Variants in NAP1L4 observed in about 807,000 individuals in gnomAD.
NAP1L4 encodes the protein nucleosome assembly protein 1-like 4.
A neutral mutation model predicts 58.2 loss-of-function variants in NAP1L4; 15 were observed. The ratio of observed to expected loss-of-function variants is 0.26; its 90% confidence interval spans 0.17 to 0.40. NAP1L4 has a LOEUF of 0.40. NAP1L4 is among the 10% of genes least tolerant of loss of function. The pLI is 1.00. For missense variants in NAP1L4, 384 were observed against 451.1 expected, an observed-to-expected ratio of 0.85 and a Z score of 1.35; for synonymous variants, 171 against 155.6, an observed-to-expected ratio of 1.10 and a Z score of -0.74.
rs1380682820 is a variant in NAP1L4 at position 2,951,786 on chromosome 11, T to G, written c.1059A>C (p.Glu353Asp). 2 of 1,614,050 alleles carry G rather than the reference T, an allele frequency of 1.2e-6. No homozygotes were observed. Among genetic ancestry groups the G allele is most frequent in the Non-Finnish European group, 1.7e-6 (2 of 1,180,016 alleles). The change falls in exon 13 of 16, where the codon GAA becomes GAC. Residue 353 changes from glutamate to aspartate, a missense_variant. This residue lies in a region of NAP1L4 where 296 missense variants were observed against 360.8 expected (regional missense o/e 0.82). Coordinates refer to ENST00000380542, the MANE Select transcript of NAP1L4 (RefSeq NM_005969.4). This position sits in a 1 kb window ranked among gnomAD's most constrained non-coding sequence, Gnocchi z 4.0. ...DDNFEEGEEG[E>D]EEELEGDEEG... ...GCATAAACCTGTCTCTTACCTCCTC[T>G]TCTCCTTCTTCACCTTCTTCAAACT...
intron 1 of NAP1L4, among the ~76,000 whole-genome samples, chr11:2,981,173 G>C (rs1848279978): frequency 6.6e-6 from 1 of 151,606 alleles, no homozygotes; most frequent in Admixed American, 6.6e-5. Flanking sequence ...AGGAGGCAGA[G>C]GTTGCAGTAA....
rs1302945235 is a variant in NAP1L4 at position 2,991,622 on chromosome 11, A to G, written c.-18+632T>C. On this transcript the variant is annotated intron_variant, in intron 1 of 15. Transcript: ENST00000380542. ...CCCACCGCACAGCTCCCAACAGCTA[A>G]GAAGCAACGCCAAGGACTTTCTTCC... Among the ~76,000 whole-genome samples the G allele has an allele frequency of 4.6e-5, 7 of 152,118 alleles. No homozygotes were observed. The East Asian group carries it at 1.4e-3, about 29-fold the overall frequency.
At chr11:2,987,019 T>G (rs1003086659) in intron 1 of NAP1L4, among the ~76,000 whole-genome samples, 5 of 152,124 alleles carry the variant, frequency 3.3e-5, no homozygotes, top group African/African-American at 9.7e-5. Flanking sequence ...GACCAGCCAT[T>G]GGGCACAAGT....
chr11:2,964,765 G>A lies in NAP1L4; in HGVS notation c.535-14C>T, dbSNP rs1408045182. The A allele has an allele frequency of 6.3e-7, 1 of 1,597,742 alleles. No individual in the cohort carries two copies. The highest frequency in any genetic ancestry group is 8.6e-7 in the Non-Finnish European group (1 of 1,167,514). ...TTCATCATATTCCTAATCAAAAAGA[G>A]AAAAAAAATTCCAACAGGCTTTTAA... On this transcript the variant is annotated splice_polypyrimidine_tract_variant and intron_variant, in intron 7 of 15. Coordinates refer to ENST00000380542, the MANE Select transcript of NAP1L4 (RefSeq NM_005969.4).
intron 8 of NAP1L4, among the ~76,000 whole-genome samples, chr11:2,962,253 G>A (rs1846969380): frequency 6.6e-6 from 1 of 152,272 alleles, no homozygotes; most frequent in African/African-American, 2.4e-5. Flanking sequence ...AATTTACAAT[G>A]GGGGAGGTGG....
intron 1 of NAP1L4, chr11:2,991,887 G>A (rs1848996884): frequency 6.6e-6 from 1 of 152,366 alleles, no homozygotes; most frequent in East Asian, 1.9e-4. Context: ...CGGGAGATTT[G>A]AGCGGCCGCC....
At chr11:2,958,763 G>C in intron 9 of NAP1L4, 1 of 558,002 alleles carries the variant, frequency 1.8e-6, no homozygotes. Flanking sequence ...TGGAACTTCA[G>C]ACTTCTGGAA....
Position 2,954,626 on chromosome 11 carries a change from T to G in NAP1L4, c.936A>C (p.Thr312=). Residue 312 remains threonine, a synonymous_variant, in exon 12 of 16, where the codon ACA becomes ACC. Transcript: ENST00000380542. This position sits in a 1 kb window ranked among gnomAD's most constrained non-coding sequence, Gnocchi z 4.8. ...GTCCAATTTCAAAATCAGAGGCTAA[T>G]GTGAATTCAGAATCTTCATCCTGAG... ...GESLDEDSEF[T]LASDFEIGHF... The G allele has an allele frequency of 6.2e-7, 1 of 1,614,238 alleles. No individual in the cohort carries two copies. The highest frequency in any genetic ancestry group is 8.5e-7 in the Non-Finnish European group (1 of 1,180,048).
At chr11:2,984,881 GTTACT>G (rs1163005765) in intron 1 of NAP1L4, among the ~76,000 whole-genome samples, 2 of 151,942 alleles carry the variant, frequency 1.3e-5, no homozygotes, top group East Asian at 3.9e-4. Flanking sequence ...AACAAATCAA[GTTACT>G]TTAAACACTG....
intron 2 of NAP1L4, 138 bp from the exon 3 acceptor site, chr11:2,978,480 A>G (rs749638319): frequency 5.9e-6 from 4 of 679,864 alleles, no homozygotes; most frequent in South Asian, 1.9e-5. Flanking sequence ...AAAACTACCA[A>G]TGTGCATGTT....
rs777650150 is a variant in NAP1L4, at chr11:2,951,286, G to A, written c.1095C>T (p.Asp365=). 13 of 1,613,978 alleles carry A rather than the reference G, an allele frequency of 8.1e-6. No homozygotes were observed. The highest frequency in any genetic ancestry group is 4.5e-5 in the East Asian group (2 of 44,874). ...EELEGDEEGE[D]EDDAEINPKV ...TGGGGTTAATTTCCGCATCATCCTCGTCTTCTCCCTCCTCGTCACCTTCTA... is the reference window on the plus strand; with the variant it reads ...TGGGGTTAATTTCCGCATCATCCTCATCTTCTCCCTCCTCGTCACCTTCTA... Residue 365 remains aspartate, a synonymous_variant, in exon 14 of 16, where the codon GAC becomes GAT. Transcript: ENST00000380542. This position sits in a 1 kb window ranked among gnomAD's most constrained non-coding sequence, Gnocchi z 4.0.
In NAP1L4 at chr11:2,946,994, G is replaced by A. The variant is rs1845972923; in HGVS notation, c.*33-1348C>T. 6.6e-6 allele frequency among the ~76,000 whole-genome samples: 1 copy of A among 152,182 alleles called. No homozygotes were observed. Among genetic ancestry groups the A allele is most frequent in the African/African-American group, 2.4e-5 (1 of 41,424 alleles). On this transcript the variant is annotated intron_variant, in intron 15 of 15. Coordinates refer to ENST00000380542, the MANE Select transcript of NAP1L4 (RefSeq NM_005969.4). The surrounding 1 kb of genome is among the most constrained non-coding windows in gnomAD (Gnocchi z 4.8). ...GCCTAGAAAATGGGATGTCAGTAAAGGAGCTGTGCAGGGACGGGGAAGACT... is the reference window on the plus strand; with the variant it reads ...GCCTAGAAAATGGGATGTCAGTAAAAGAGCTGTGCAGGGACGGGGAAGACT...
At chr11:2,990,844 G>A (rs1450537236) in intron 1 of NAP1L4, 1 of 296,598 alleles carries the variant, frequency 3.4e-6, no homozygotes, top group African/African-American at 2.2e-5. Flanking sequence ...GGTGCGCAGT[G>A]CAGGTATTAG....
At chr11:2,974,108 C>G (rs746392796) in intron 4 of NAP1L4, among the ~76,000 whole-genome samples, 1 of 152,174 alleles carries the variant, frequency 6.6e-6, no homozygotes, top group Non-Finnish European at 1.5e-5. Flanking sequence ...TGAAGCTTTC[C>G]AACTGAAGTA....
chr11:2,979,565 G>A (rs1051376893), intron 1 of NAP1L4, among the ~76,000 whole-genome samples: 1 of 152,240 alleles, frequency 6.6e-6, no homozygotes, highest in Non-Finnish European at 1.5e-5. Context: ...TTGAGCTCAG[G>A]AGTTCGAGAC....
intron 1 of NAP1L4, chr11:2,990,351 TTCTC>T (rs1194129100): frequency 6.6e-5 from 10 of 152,192 alleles, no homozygotes; most frequent in African/African-American, 1.4e-4. Context: ...ATAACTAATT[TTCTC>T]TCTCTCTGTA....
intron 1 of NAP1L4, among the ~76,000 whole-genome samples, chr11:2,987,299 TTTG>T (rs894506338): frequency 3.3e-5 from 5 of 151,954 alleles, no homozygotes; most frequent in African/African-American, 9.6e-5. Context: ...TTCTGGGTTT[TTTG>T]TTGTTGTTGT....
chr11:2,970,965 C>G (rs1847607116), intron 6 of NAP1L4, among the ~76,000 whole-genome samples: 1 of 152,088 alleles, frequency 6.6e-6, no homozygotes. Context: ...GTTTTCACAG[C>G]ACTGGAATGG....
Position 2,951,128 on chromosome 11 carries a change from G to T in NAP1L4, c.1122+131C>A. The T allele has an allele frequency of 1.4e-6, 1 of 733,310 alleles. No homozygotes were observed. The highest frequency in any genetic ancestry group is 1.7e-5 in the South Asian group (1 of 59,510). The allele number at this position is 733,310 out of a possible 1,614,324, so 45.4% of individuals were successfully genotyped here. ...TGAATAATCATTCCACTATTTTTCT[G>T]ACACATTTTAAACTTTCTAATTAGG... On this transcript the variant is annotated intron_variant, in intron 14 of 15. Coordinates refer to ENST00000380542, the MANE Select transcript of NAP1L4 (RefSeq NM_005969.4). This position sits in a 1 kb window ranked among gnomAD's most constrained non-coding sequence, Gnocchi z 4.0.
Sources: gnomAD v4.1 joint callset for allele counts (sites outside exome capture counted in the v4.1 genomes callset) on GRCh38, gnomAD v4.1.1 for gene constraint, gnomAD v4.1.1 regional missense constraint, Gnocchi (gnomAD v3.1) non-coding constraint, MANE v1.5 for transcripts, NCBI Gene and HGNC (gene_info 2026-07-23, HGNC 2026-07-21) for gene names.